The following SMAP1 variants were observed in gnomAD, a reference collection of about 807,000 sequenced individuals.
SMAP1 encodes small ArfGAP 1.
SMAP1 carries 24 observed loss-of-function variants against 58.5 expected under a neutral mutation model. The ratio of observed to expected loss-of-function variants is 0.41; its 90% CI spans 0.30 to 0.58. SMAP1 has a LOEUF of 0.58. SMAP1 is among the 20% of genes least tolerant of loss of function. SMAP1 has a pLI of 0.29. For missense variants in SMAP1, 563 were observed against 566.3 expected, an observed-to-expected ratio of 0.99 and a Z score of 0.06; for synonymous variants, 216 against 196.6, an observed-to-expected ratio of 1.10 and a Z score of -0.82.
chr6:70,682,113 T>C (rs922635741), intron 1 of SMAP1, among the ~76,000 whole-genome samples: 1 of 151,754 alleles, frequency 6.6e-6, no homozygotes. Context: ...TGAAGTCATT[T>C]GCTGAAAATA....
At position 70,709,668 on chromosome 6, in the gene SMAP1, T is replaced by A. The variant is rs557812467; in HGVS notation, c.119-22710T>A. 2.6e-5 allele frequency among the ~76,000 whole-genome samples: 4 copies of A among 152,298 alleles called. No individual in the cohort carries two copies. In the South Asian group the frequency reaches 6.2e-4, roughly 24 times the overall value. On this transcript the variant is annotated intron_variant, in intron 1 of 10. Transcript: ENST00000370455. Reference sequence around the variant, plus strand: ...GAAGTGTGATGCCTGCAACCTTATTTTTCTTTCTTAAGATTGTTTTGGCTA... The same window carrying A: ...GAAGTGTGATGCCTGCAACCTTATTATTCTTTCTTAAGATTGTTTTGGCTA...
intron 3 of SMAP1, chr6:70,759,911 A>AT (rs1484402872): frequency 6.9e-6 from 3 of 434,006 alleles, no homozygotes; most frequent in Non-Finnish European, 1.4e-5. Context: ...TGACCATGGC[A>AT]TTTTATGTAC....
chr6:70,766,882 C>T (rs754051520), intron 3 of SMAP1, among the ~76,000 whole-genome samples: 38 of 152,216 alleles, frequency 2.5e-4, no homozygotes, highest in Admixed American at 6.5e-4. Context: ...GGTTTTAGGT[C>T]TAACATTTAA....
intron 1 of SMAP1, among the ~76,000 whole-genome samples, chr6:70,702,324 A>G (rs1468534805): frequency 6.6e-6 from 1 of 151,476 alleles, no homozygotes; most frequent in Non-Finnish European, 1.5e-5. Context: ...TTAATTTGGG[A>G]ATTCCAATTA....
intron 1 of SMAP1, 139 bp from the exon 2 acceptor site, chr6:70,732,239 A>C: frequency 1.2e-6 from 1 of 817,464 alleles, no homozygotes; most frequent in Non-Finnish European, 1.8e-6. Context: ...TGCCGCCAGT[A>C]CCATTTGAAA....
intron 4 of SMAP1, among the ~76,000 whole-genome samples, chr6:70,789,292 TA>T (rs1184002703): frequency 4.6e-5 from 7 of 152,176 alleles, no homozygotes; most frequent in African/African-American, 1.4e-4. Flanking sequence ...AGTCAAGATA[TA>T]GAACCTTTTC....
intron 1 of SMAP1, among the ~76,000 whole-genome samples, chr6:70,731,893 C>T (rs1295819815): frequency 6.6e-6 from 1 of 152,110 alleles, no homozygotes; most frequent in African/African-American, 2.4e-5. Context: ...GCTTATTGGC[C>T]ATAAATTTCT....
In SMAP1 at chr6:70,817,233, A is replaced by G. The variant is rs1007902755; in HGVS notation, c.576+18496A>G. ...GAATAGATATTAGTTCATTGTCCCT[A>G]TGTTTTCTCACCACACCTTAGGACC... On this transcript the variant is annotated intron_variant, in intron 6 of 10. Transcript: ENST00000370455. Among the ~76,000 whole-genome samples, 21 of 151,772 alleles carry G rather than the reference A, an allele frequency of 1.4e-4. No homozygotes were observed. The South Asian group carries it at 2.3e-3, about 17-fold the overall frequency.
chr6:70,856,768 C>T, intron 8 of SMAP1, 91 bp from the exon 9 acceptor site: 1 of 1,313,332 alleles, frequency 7.6e-7, no homozygotes. Flanking sequence ...TGATTCCTAT[C>T]TAATTTTATA....
At chr6:70,835,251 CAAAAAAAAA>C (rs778677881) in intron 6 of SMAP1, among the ~76,000 whole-genome samples, 3 of 57,950 alleles carry the variant, frequency 5.2e-5, no homozygotes, top group Non-Finnish European at 6.9e-5. Context: ...GACTCCGTCT[CAAAAAAAAA>C]AAAAAAAAAA....
At chr6:70,745,188 T>C (rs1765977721) in intron 2 of SMAP1, among the ~76,000 whole-genome samples, 1 of 152,226 alleles carries the variant, frequency 6.6e-6, no homozygotes, top group African/African-American at 2.4e-5. Flanking sequence ...TTAGATCCCA[T>C]TTATCAATTT....
chr6:70,675,774 G>A (rs1741669309), intron 1 of SMAP1, among the ~76,000 whole-genome samples: 1 of 152,298 alleles, frequency 6.6e-6, no homozygotes, highest in Admixed American at 6.5e-5. Flanking sequence ...AGTCATTGGT[G>A]TGGAGAAAAG....
At chr6:70,825,678 T>C (rs928573903) in intron 6 of SMAP1, among the ~76,000 whole-genome samples, 3 of 152,228 alleles carry the variant, frequency 2.0e-5, no homozygotes, top group African/African-American at 7.2e-5. Context: ...CTGTAGCCAA[T>C]TCCTGTCTAA....
At chr6:70,768,305 G>C (rs1767096524) in intron 3 of SMAP1, among the ~76,000 whole-genome samples, 1 of 152,128 alleles carries the variant, frequency 6.6e-6, no homozygotes, top group African/African-American at 2.4e-5. Flanking sequence ...CTATTGATTG[G>C]AATAGTTTCA....
In SMAP1 at chr6:70,848,646, T is replaced by C. The variant is rs532319881; in HGVS notation, c.665-3894T>C. On this transcript the variant is annotated intron_variant, in intron 7 of 10. Transcript: ENST00000370455. ...GATAATGGAGGAGATGCCCTTCTCA[T>C]CTTGCATCGGGACAAAAATGATAAC... Among the ~76,000 whole-genome samples, 77 of 152,318 alleles carry C rather than the reference T, an allele frequency of 5.1e-4. 2 individuals are homozygous for C. The highest frequency in any genetic ancestry group is 4.2e-3 in the Admixed American group (65 of 15,300).
chr6:70,721,895 A>G (rs900669246), intron 1 of SMAP1, among the ~76,000 whole-genome samples: 1 of 152,178 alleles, frequency 6.6e-6, no homozygotes, highest in African/African-American at 2.4e-5. Context: ...TGATTCAATT[A>G]CCTTGCCCCG....
intron 1 of SMAP1, among the ~76,000 whole-genome samples, chr6:70,713,796 A>AT (rs774526948): frequency 6.6e-6 from 1 of 151,956 alleles, no homozygotes; most frequent in Admixed American, 6.6e-5. Context: ...TTCTTTATTA[A>AT]TTTTTTTGTC....
At chr6:70,792,972 G>A (rs1253039388) in intron 5 of SMAP1, among the ~76,000 whole-genome samples, 1 of 152,026 alleles carries the variant, frequency 6.6e-6, no homozygotes, top group East Asian at 1.9e-4. Context: ...GAAATGAGGG[G>A]GACATGTTCC....
chr6:70,771,008 G>A lies in SMAP1; in HGVS notation c.339-2342G>A, dbSNP rs1436571180. Among the ~76,000 whole-genome samples, 5 of 152,298 alleles carry A rather than the reference G, an allele frequency of 3.3e-5. No homozygotes were observed. In the East Asian group the frequency reaches 9.7e-4, roughly 29 times the overall value. ...TTCAGGTCTGTTGGAGTTTGCTGGA[G>A]GTCCACTCCAGACCCTGTTTGCCTG... is the stretch of plus-strand genomic sequence containing the variant. On this transcript the variant is annotated intron_variant, in intron 3 of 10. Coordinates refer to ENST00000370455, the MANE Select transcript of SMAP1 (RefSeq NM_001044305.3).
Sources: allele counts gnomAD v4.1 joint callset (sites outside exome capture counted in the v4.1 genomes callset), GRCh38; gene constraint gnomAD v4.1.1; transcripts MANE v1.5; gene names NCBI Gene and HGNC (gene_info 2026-07-23, HGNC 2026-07-21).